SPIDR: variants seen among roughly 807,000 people sequenced by gnomAD.
SPIDR encodes scaffold protein involved in DNA repair.
SPIDR carries 93 observed loss-of-function variants against 104.6 expected under a neutral mutation model. That is an observed-to-expected ratio of 0.89 (90% confidence interval 0.75 to 1.06). The LOEUF is 1.06. SPIDR is among the 50% of genes least tolerant of loss of function. SPIDR has a pLI of 0.00. For missense variants in SPIDR, 1,154 were observed against 1,111.2 expected, an observed-to-expected ratio of 1.04 and a Z score of -0.55; for synonymous variants, 431 against 416.9, an observed-to-expected ratio of 1.03 and a Z score of -0.41.
At chr8:47,425,184 C>G (rs1585493742) in intron 7 of SPIDR, among the ~76,000 whole-genome samples, 2 of 152,026 alleles carry the variant, frequency 1.3e-5, no homozygotes, top group African/African-American at 4.8e-5. Flanking sequence ...AAATGCTTTA[C>G]TGGTCACTAT....
At chr8:47,306,197 A>G (rs1211162786) in intron 5 of SPIDR, among the ~76,000 whole-genome samples, 1 of 152,122 alleles carries the variant, frequency 6.6e-6, no homozygotes, top group African/African-American at 2.4e-5. Context: ...GCTGGAGTGC[A>G]GTGGTGCGAT....
chr8:47,298,618 A>G (rs2041376124), intron 5 of SPIDR, among the ~76,000 whole-genome samples: 1 of 152,140 alleles, frequency 6.6e-6, no homozygotes, highest in Non-Finnish European at 1.5e-5. Context: ...TCCATCTTGA[A>G]TTAATTTTTG....
At chr8:47,539,644 G>A (rs953353425) in intron 8 of SPIDR, among the ~76,000 whole-genome samples, 1 of 151,844 alleles carries the variant, frequency 6.6e-6, no homozygotes, top group Non-Finnish European at 1.5e-5. Context: ...TCATGTAAAT[G>A]CTTTATAAAT....
intron 7 of SPIDR, among the ~76,000 whole-genome samples, chr8:47,432,313 TG>T (rs2067501905): frequency 6.6e-6 from 1 of 152,232 alleles, no homozygotes; most frequent in African/African-American, 2.4e-5. Flanking sequence ...ATGTTTTATT[TG>T]TTTTTCTCTT....
At chr8:47,640,902 G>A (rs1391767792) in intron 10 of SPIDR, among the ~76,000 whole-genome samples, 8 of 117,924 alleles carry the variant, frequency 6.8e-5, no homozygotes, top group South Asian at 2.8e-4. Context: ...TGGTAGAGAC[G>A]GGGTTTCACC....
intron 8 of SPIDR, among the ~76,000 whole-genome samples, chr8:47,515,026 G>A (rs938360185): frequency 3.3e-5 from 5 of 152,096 alleles, no homozygotes; most frequent in Non-Finnish European, 2.9e-5. Context: ...TTAAAGTTCA[G>A]CAAAAGGAAG....
chr8:47,346,537 G>T (rs1321410806), intron 5 of SPIDR, among the ~76,000 whole-genome samples: 5 of 152,164 alleles, frequency 3.3e-5, no homozygotes, highest in Non-Finnish European at 7.4e-5. Context: ...GTTTCAGAAG[G>T]AATGGTGCCA....
intron 10 of SPIDR, among the ~76,000 whole-genome samples, chr8:47,660,015 T>C (rs2073834575): frequency 6.6e-6 from 1 of 152,216 alleles, no homozygotes; most frequent in Non-Finnish European, 1.5e-5. Flanking sequence ...GCTCTCGCTG[T>C]CCTTCATTCG....
intron 5 of SPIDR, among the ~76,000 whole-genome samples, chr8:47,296,925 G>A (rs2040948706): frequency 6.6e-6 from 1 of 152,056 alleles, no homozygotes. Context: ...TCAGTGTTTT[G>A]TATTTTCTAG....
intron 8 of SPIDR, among the ~76,000 whole-genome samples, chr8:47,522,677 A>G (rs887399319): frequency 2.6e-5 from 4 of 152,232 alleles, no homozygotes; most frequent in Non-Finnish European, 5.9e-5. Context: ...GCTCTGTTAA[A>G]AAAGACAGTT....
intron 8 of SPIDR, among the ~76,000 whole-genome samples, chr8:47,491,467 C>G (rs891981690): frequency 2.0e-5 from 3 of 151,364 alleles, no homozygotes; most frequent in African/African-American, 7.3e-5. Context: ...ACAGTGACCA[C>G]AACTATATAT....
At chr8:47,312,877 C>G (rs1302906330) in intron 5 of SPIDR, among the ~76,000 whole-genome samples, 1 of 152,140 alleles carries the variant, frequency 6.6e-6, no homozygotes, top group Non-Finnish European at 1.5e-5. Context: ...AGTCTTTAAT[C>G]CATCTTGAAT....
At chr8:47,373,371 C>T (rs2058272415) in intron 5 of SPIDR, among the ~76,000 whole-genome samples, 1 of 152,034 alleles carries the variant, frequency 6.6e-6, no homozygotes, top group Non-Finnish European at 1.5e-5. Flanking sequence ...GAAAATTGGG[C>T]ATATGGTTGG....
intron 6 of SPIDR, among the ~76,000 whole-genome samples, chr8:47,405,919 CAA>C (rs2062693178): frequency 6.6e-6 from 1 of 152,192 alleles, no homozygotes; most frequent in African/African-American, 2.4e-5. Context: ...CCCTAATGGC[CAA>C]ACTCAGGTGA....
intron 10 of SPIDR, among the ~76,000 whole-genome samples, chr8:47,648,669 A>C (rs2071030866): frequency 2.0e-5 from 3 of 152,192 alleles, no homozygotes; most frequent in Admixed American, 2.0e-4. Context: ...TGGATGAGAT[A>C]AAATACAAGA....
Position 47,701,829 on chromosome 8 carries a change from C to T in SPIDR, c.1882C>T (p.Pro628Ser). ...AGACCCCATTTATAAGCTTTACCAGCCTCCAGTTACCCGCTGCTTAAGAGA... is the reference window on the plus strand; with the variant it reads ...AGACCCCATTTATAAGCTTTACCAGTCTCCAGTTACCCGCTGCTTAAGAGA... ...DEDPIYKLYQ[P>S]PVTRCLRDIL... is the part of the protein sequence containing the mutation. The change falls in exon 13 of 20, where the codon CCT becomes TCT. Residue 628 changes from proline (P) to serine (S), a missense_variant. Transcript: ENST00000297423. 3.7e-6 allele frequency: 6 copies of T among 1,614,128 alleles called. No individual in the cohort carries two copies. Among genetic ancestry groups the T allele is most frequent in the Non-Finnish European group, 5.1e-6 (6 of 1,180,020 alleles).
intron 9 of SPIDR, among the ~76,000 whole-genome samples, chr8:47,597,611 A>G (rs1292387272): frequency 6.6e-6 from 1 of 152,216 alleles, no homozygotes; most frequent in Non-Finnish European, 1.5e-5. Context: ...TATTCTTGTA[A>G]TGTCTAAGAA....
At chr8:47,351,804 A>G (rs1361095097) in intron 5 of SPIDR, among the ~76,000 whole-genome samples, 2 of 152,220 alleles carry the variant, frequency 1.3e-5, no homozygotes, top group Non-Finnish European at 2.9e-5. Context: ...AGGAGGATGT[A>G]TATAATGTTA....
At chr8:47,536,069 TCAAA>T (rs1287779141) in intron 8 of SPIDR, among the ~76,000 whole-genome samples, 3 of 141,268 alleles carry the variant, frequency 2.1e-5, no homozygotes, top group African/African-American at 7.7e-5. Flanking sequence ...ATCAAAAAAA[TCAAA>T]CAGGTATAAT....
Sources: allele counts gnomAD v4.1 joint callset (sites outside exome capture counted in the v4.1 genomes callset), GRCh38; gene constraint gnomAD v4.1.1; transcripts MANE v1.5; gene names NCBI Gene and HGNC (gene_info 2026-07-23, HGNC 2026-07-21).